Variants in RALA observed in about 807,000 individuals in gnomAD.
RALA encodes RAS like proto-oncogene A, also known as ras-related protein Ral-A.
In RALA, 5 loss-of-function variants were observed where a neutral mutation model predicts 24.0. The ratio of observed to expected loss-of-function variants is 0.21; its 90% confidence interval spans 0.11 to 0.44. The LOEUF (loss-of-function observed/expected upper bound fraction) is 0.44. Among genes scored for constraint, RALA ranks in the 20% least tolerant of loss-of-function variants. The pLI, the probability that RALA is intolerant of heterozygous loss-of-function variation, is 0.99. For synonymous variants in RALA, 77 were observed against 83.8 expected (o/e 0.92, Z 0.44); for missense variants, 95 against 241.2 (o/e 0.39, Z 4.01).
chr7:39,650,467 G>A (rs1398222057), intron 1 of RALA, among the ~76,000 whole-genome samples: 9 of 152,142 alleles, frequency 5.9e-5, no homozygotes, highest in African/African-American at 1.4e-4. Context: ...TGAAATATGA[G>A]TGGGAGAGGG....
chr7:39,645,882 G>T (rs1312132822), intron 1 of RALA, among the ~76,000 whole-genome samples: 1 of 152,072 alleles, frequency 6.6e-6, no homozygotes. Flanking sequence ...GGTGAAGAGG[G>T]GAGGGAAAAG....
intron 1 of RALA, among the ~76,000 whole-genome samples, chr7:39,664,433 A>C (rs1002453093): frequency 6.6e-6 from 1 of 152,190 alleles, no homozygotes; most frequent in East Asian, 1.9e-4. Context: ...ATATTGGATA[A>C]TGCCCCTGGC....
Position 39,688,844 on chromosome 7 carries a change from G to A in RALA, c.115-1538G>A, listed in dbSNP as rs147078247. On this transcript the variant is annotated intron_variant, in intron 2 of 4. Transcript: ENST00000005257. ...ATTTATGAATAAAAGAGATTTAATT[G>A]ACTCACAGTTCCACAGGCTTAACAG... is the stretch of plus-strand genomic sequence containing the variant. 7.5e-3 allele frequency among the ~76,000 whole-genome samples: 1,140 copies of A among 152,220 alleles called. 19 individuals are homozygous for A. The highest frequency in any genetic ancestry group is 0.026 in the African/African-American group (1,100 of 41,526).
intron 1 of RALA, among the ~76,000 whole-genome samples, chr7:39,625,122 A>G (rs76408259): frequency 0.1 from 15,605 of 152,266 alleles, 1,059 homozygotes; most frequent in Non-Finnish European, 0.15. Flanking sequence ...TCTGCACTGA[A>G]TGAATGAGTG....
At chr7:39,634,646 G>A (rs77220311) in intron 1 of RALA, among the ~76,000 whole-genome samples, 2 of 151,570 alleles carry the variant, frequency 1.3e-5, no homozygotes, top group East Asian at 1.9e-4. Context: ...AATCTCCAAG[G>A]TCTTCCTATT....
At chr7:39,675,752 A>AC (rs200729981) in intron 1 of RALA, among the ~76,000 whole-genome samples, 46,312 of 150,000 alleles carry the variant, frequency 0.31, 7,873 homozygotes, top group Non-Finnish European at 0.39. Context: ...AAAAAAAAAA[A>AC]AAAAAAAAAC....
chr7:39,637,409 G>C (rs992468681), intron 1 of RALA, among the ~76,000 whole-genome samples: 11 of 152,118 alleles, frequency 7.2e-5, no homozygotes, highest in Non-Finnish European at 1.5e-4. Flanking sequence ...CAATTCTTTT[G>C]AACACACCTG....
At chr7:39,694,306 G>A (rs796303035) in intron 3 of RALA, among the ~76,000 whole-genome samples, 2 of 152,118 alleles carry the variant, frequency 1.3e-5, no homozygotes, top group African/African-American at 4.8e-5. Context: ...TATAAATGAA[G>A]AAACAGAAAT....
chr7:39,639,008 T>C (rs762209319), intron 1 of RALA, among the ~76,000 whole-genome samples: 13 of 152,236 alleles, frequency 8.5e-5, no homozygotes, highest in Non-Finnish European at 1.9e-4. Flanking sequence ...GGGCTTCTCT[T>C]TCTCTGCATG....
At chr7:39,667,387 C>T (rs1195259501) in intron 1 of RALA, among the ~76,000 whole-genome samples, 6 of 152,188 alleles carry the variant, frequency 3.9e-5, no homozygotes, top group African/African-American at 1.4e-4. Flanking sequence ...ATTTGTAATT[C>T]TGTAATAGCA....
chr7:39,665,213 T>TC (rs1213898587), intron 1 of RALA, among the ~76,000 whole-genome samples: 1 of 152,128 alleles, frequency 6.6e-6, no homozygotes, highest in Non-Finnish European at 1.5e-5. Flanking sequence ...TTCCTCTTCC[T>TC]CCTCCTCTTC....
At chr7:39,676,644 C>G (rs545214669) in intron 1 of RALA, among the ~76,000 whole-genome samples, 2 of 152,012 alleles carry the variant, frequency 1.3e-5, no homozygotes, top group African/African-American at 2.4e-5. Context: ...GCTTCTCTAT[C>G]GAAAATCTAA....
chr7:39,667,818 A>G (rs754489870), intron 1 of RALA, among the ~76,000 whole-genome samples: 1 of 152,226 alleles, frequency 6.6e-6, no homozygotes, highest in African/African-American at 2.4e-5. Flanking sequence ...GGTAAACTCT[A>G]TTCTTTTGAT....
chr7:39,674,054 TAAATAAATAAATAAATA>T (rs1562618738), intron 1 of RALA, among the ~76,000 whole-genome samples: 1 of 105,534 alleles, frequency 9.5e-6, no homozygotes, highest in Admixed American at 9.1e-5. Context: ...AATAAATAAA[TAAATAAATAAATAAATA>T]AATAAATAAA....
At chr7:39,631,457 C>T (rs1435372622) in intron 1 of RALA, among the ~76,000 whole-genome samples, 4 of 152,140 alleles carry the variant, frequency 2.6e-5, no homozygotes, top group Admixed American at 2.6e-4. Flanking sequence ...CTCCTGGGCT[C>T]AAGTGATCCT....
intron 1 of RALA, among the ~76,000 whole-genome samples, chr7:39,659,210 T>G (rs1321367406): frequency 6.6e-6 from 1 of 151,980 alleles, no homozygotes; most frequent in African/African-American, 2.4e-5. Context: ...CCCCAGGAGG[T>G]CAAGGCTGCA....
chr7:39,637,582 G>C (rs765508368), intron 1 of RALA, among the ~76,000 whole-genome samples: 1 of 152,162 alleles, frequency 6.6e-6, no homozygotes, highest in Non-Finnish European at 1.5e-5. Flanking sequence ...GTTAGTTTCA[G>C]TATGTTAACA....
At chr7:39,641,740 A>C (rs1318787069) in intron 1 of RALA, among the ~76,000 whole-genome samples, 1 of 151,936 alleles carries the variant, frequency 6.6e-6, no homozygotes, top group Admixed American at 6.6e-5. Flanking sequence ...TATGATGTGG[A>C]TGGTGATGGT....
At chr7:39,670,299 C>T (rs1792357422) in intron 1 of RALA, among the ~76,000 whole-genome samples, 1 of 152,152 alleles carries the variant, frequency 6.6e-6, no homozygotes, top group Non-Finnish European at 1.5e-5. Flanking sequence ...GCGTGTGCCA[C>T]CACATCCAGG....
Sources: allele counts gnomAD v4.1 joint callset (sites outside exome capture counted in the v4.1 genomes callset), GRCh38; gene constraint gnomAD v4.1.1; transcripts MANE v1.5; gene names NCBI Gene and HGNC (gene_info 2026-07-23, HGNC 2026-07-21).